MTPAP: variants seen among roughly 807,000 people sequenced by gnomAD.
The protein encoded by MTPAP is mitochondrial poly(A) polymerase.
MTPAP carries 23 observed loss-of-function variants against 48.7 expected under a neutral mutation model. The ratio of observed to expected loss-of-function variants is 0.47; its 90% CI spans 0.34 to 0.67. The LOEUF (loss-of-function observed/expected upper bound fraction) is 0.67, where lower values mean the gene tolerates loss of function less well. Among genes scored for constraint, MTPAP ranks in the 30% least tolerant of loss-of-function variants. MTPAP has a pLI of 0.01. For missense variants in MTPAP, 614 were observed against 694.3 expected, an observed-to-expected ratio of 0.88 and a Z score of 1.30; for synonymous variants, 257 against 254.1, an observed-to-expected ratio of 1.01 and a Z score of -0.11.
chr10:30,338,271 TAACA>T, intron 3 of MTPAP, among the ~76,000 whole-genome samples: 1 of 151,190 alleles, frequency 6.6e-6, no homozygotes, highest in South Asian at 2.1e-4. Context: ...AAAAATAACG[TAACA>T]TAACATAACA....
intron 8 of MTPAP, among the ~76,000 whole-genome samples, chr10:30,315,545 C>A (rs1031288496): frequency 6.7e-6 from 1 of 148,958 alleles, no homozygotes; most frequent in Non-Finnish European, 1.5e-5. Flanking sequence ...CAAAAAAACA[C>A]CTAAATCCTA....
At chr10:30,314,971 A>G (rs1187878625) in intron 8 of MTPAP, among the ~76,000 whole-genome samples, 2 of 152,096 alleles carry the variant, frequency 1.3e-5, no homozygotes, top group African/African-American at 4.8e-5. Context: ...ATTAGTCTAT[A>G]TATCTTTTCC....
At chr10:30,316,264 A>G in intron 6 of MTPAP, 54 bp from the exon 7 acceptor site, 1 of 1,335,366 alleles carries the variant, frequency 7.5e-7, no homozygotes, top group Non-Finnish European at 1.1e-6. Context: ...TTTGCCTGAG[A>G]TGGAGTCTCA....
At chr10:30,315,760 G>A (rs1840654394) in intron 8 of MTPAP, among the ~76,000 whole-genome samples, 1 of 152,180 alleles carries the variant, frequency 6.6e-6, no homozygotes, top group South Asian at 2.1e-4. Flanking sequence ...ATGCTAAAGA[G>A]CTGGCTTTTA....
intron 6 of MTPAP, among the ~76,000 whole-genome samples, chr10:30,319,302 A>T (rs781421489): frequency 7.9e-5 from 12 of 152,236 alleles, no homozygotes; most frequent in Non-Finnish European, 2.9e-5. Flanking sequence ...ACAAAATCCT[A>T]GAAGTTCTGG....
In MTPAP at chr10:30,312,151, C is replaced by G. The variant is rs1281199056; in HGVS notation, c.*1458G>C. On this transcript the variant is annotated 3_prime_UTR_variant, in exon 9 of 9. Coordinates refer to ENST00000263063, the MANE Select transcript of MTPAP (RefSeq NM_018109.4). ...ACTCCGTCTCAGAAACAAAACGAAA[C>G]AAAGCAAAAAAGTTGCTCCACAGAG... The G allele has an allele frequency of 1.3e-5, 2 of 152,006 alleles. No individual in the cohort carries two copies. Among genetic ancestry groups the G allele is most frequent in the Non-Finnish European group, 2.9e-5 (2 of 68,022 alleles). 9.4% of individuals were successfully genotyped at this position (152,006 alleles called of 1,614,324 possible).
At chr10:30,326,831 C>T (rs1834603732) in intron 4 of MTPAP, among the ~76,000 whole-genome samples, 196 bp from the exon 5 acceptor site, 1 of 152,220 alleles carries the variant, frequency 6.6e-6, no homozygotes, top group Non-Finnish European at 1.5e-5. Flanking sequence ...CCTTCTGTTT[C>T]TCCAGAATAT....
At chr10:30,320,557 AT>A (rs1840711919) in intron 6 of MTPAP, among the ~76,000 whole-genome samples, 1 of 152,150 alleles carries the variant, frequency 6.6e-6, no homozygotes. Context: ...TTTTAAAAAA[AT>A]AGTGACCATT....
chr10:30,314,735 T>A (rs525113), intron 8 of MTPAP, among the ~76,000 whole-genome samples: 2 of 151,892 alleles, frequency 1.3e-5, no homozygotes. Flanking sequence ...AGCCAGGTGT[T>A]GTGGCGCATG....
At position 30,313,793 on chromosome 10, in the gene MTPAP, T is replaced by C. The variant is rs746540768; in HGVS notation, c.1565A>G (p.Asn522Ser). The C allele has an allele frequency of 4.3e-5, 69 of 1,614,060 alleles. No individual in the cohort carries two copies. The Admixed American group carries it at 5.7e-4, about 13-fold the overall frequency. Residue 522 changes from asparagine (N) to serine (S), a missense_variant, in exon 9 of 9, where the codon AAT becomes AGT. Physicochemically the swap from Asn to Ser is conservative, Grantham distance 46 (BLOSUM62 1). Coordinates refer to ENST00000263063, the MANE Select transcript of MTPAP (RefSeq NM_018109.4). ...EDTDRPSISS[N>S]RPWGLVSLLL... The stretch of plus-strand genomic sequence containing the variant: ...TAGGGATACCAGCCCCCAGGGCCGA[T>C]TACTTGATATGGAAGGTCGATCTGT...
In MTPAP at chr10:30,340,293, A is replaced by G; in HGVS notation, c.488T>C (p.Val163Ala). The G allele has an allele frequency of 6.2e-7, 1 of 1,614,208 alleles. No individual in the cohort carries two copies. Among genetic ancestry groups the G allele is most frequent in the Non-Finnish European group, 8.5e-7 (1 of 1,180,028 alleles). ...ACGTGGCAACTGATTACTTGACCGT[A>G]CGCGTGACCGTTCAGAAGTCTGGTT... ...LKNQTSERSRVRSSNQLPRSN... is the reference protein window; with the variant it reads ...LKNQTSERSRARSSNQLPRSN... Residue 163 changes from valine to alanine, a missense_variant, in exon 3 of 9, where the codon GTA becomes GCA. Physicochemically the swap from Val to Ala is moderately conservative, Grantham distance 64 (BLOSUM62 0). Around this residue, in one of 5 missense-constraint regions of MTPAP, gnomAD observed 114 missense variants for 107.9 expected, o/e 1.06. Transcript: ENST00000263063.
At chr10:30,322,344 T>G in intron 6 of MTPAP, 47 bp downstream of exon 6, 2 of 1,378,208 alleles carry the variant, frequency 1.5e-6, no homozygotes, top group Admixed American at 1.7e-5. Context: ...TTATATTTAC[T>G]CATAACATTG....
At chr10:30,331,326 A>G (rs1834663489) in intron 4 of MTPAP, among the ~76,000 whole-genome samples, 1 of 152,236 alleles carries the variant, frequency 6.6e-6, no homozygotes, top group African/African-American at 2.4e-5. Context: ...CACAGCAATC[A>G]TTCAGATAAC....
chr10:30,341,288 C>T (rs1160266508), intron 2 of MTPAP, among the ~76,000 whole-genome samples, 180 bp downstream of exon 2: 1 of 151,972 alleles, frequency 6.6e-6, no homozygotes, highest in Non-Finnish European at 1.5e-5. Flanking sequence ...CCTAAAATAC[C>T]GCTATAAGAA....
chr10:30,322,347 T>C, intron 6 of MTPAP, 44 bp downstream of exon 6: 2 of 1,416,908 alleles, frequency 1.4e-6, no homozygotes, highest in Non-Finnish European at 2.0e-6. Flanking sequence ...TATTTACTCA[T>C]AACATTGGAA....
At chr10:30,332,514 G>A (rs111668531) in intron 4 of MTPAP, among the ~76,000 whole-genome samples, 8 of 152,046 alleles carry the variant, frequency 5.3e-5, no homozygotes, top group African/African-American at 1.9e-4. Context: ...GGCTGGTCTC[G>A]AACTCCTGAC....
intron 3 of MTPAP, among the ~76,000 whole-genome samples, chr10:30,338,851 C>T (rs956218401): frequency 1.6e-4 from 24 of 152,070 alleles, no homozygotes; most frequent in Non-Finnish European, 3.1e-4. Flanking sequence ...AGGCCAGGTG[C>T]AGTGGCTCAC....
chr10:30,327,130 G>C lies in MTPAP; in HGVS notation c.781-495C>G, dbSNP rs531099680. On this transcript the variant is annotated intron_variant, in intron 4 of 8. Transcript: ENST00000263063. ...TATTTAAGGCCACAAATTACTAGGG[G>C]AAAATTCCTATTCAACAAATGAGTT... 1.2e-4 allele frequency among the ~76,000 whole-genome samples: 18 copies of C among 152,168 alleles called. No individual in the cohort carries two copies. The East Asian group carries it at 2.5e-3, about 21-fold the overall frequency.
At chr10:30,324,794 G>C (rs1429432221) in intron 5 of MTPAP, among the ~76,000 whole-genome samples, 2 of 152,092 alleles carry the variant, frequency 1.3e-5, no homozygotes, top group Non-Finnish European at 2.9e-5. Context: ...CTGAGGTCCG[G>C]AGTTCAAGAC....
Sources: allele counts gnomAD v4.1 joint callset (sites outside exome capture counted in the v4.1 genomes callset), GRCh38; gene constraint gnomAD v4.1.1; regional missense constraint gnomAD v4.1.1; transcripts MANE v1.5; gene names NCBI Gene and HGNC (gene_info 2026-07-23, HGNC 2026-07-21).